PLXNC1: variants seen among roughly 807,000 people sequenced by gnomAD.
PLXNC1 encodes plexin-C1.
In PLXNC1, 75 loss-of-function variants were observed where a neutral mutation model predicts 178.2. The ratio of observed to expected loss-of-function variants is 0.42; its 90% CI spans 0.35 to 0.51. The LOEUF is 0.51. Among genes scored for constraint, PLXNC1 ranks in the 20% least tolerant of loss-of-function variants. PLXNC1 has a pLI of 0.02. For synonymous variants in PLXNC1, 790 were observed against 779.9 expected, an observed-to-expected ratio of 1.01 and a Z score of -0.22; for missense variants, 1,503 against 1,984.4, an observed-to-expected ratio of 0.76 and a Z score of 4.61.
In PLXNC1 at chr12:94,237,767, T is replaced by C; in HGVS notation, c.2084T>C (p.Met695Thr). ...ANFTRASNIT[M>T]ILKGTSTCDK... ...TTTACCCGGGCATCGAACATCACAA[T>C]GATCCTGAAAGGAACCAGTACCTGT... Residue 695 changes from methionine to threonine, a missense_variant, in exon 10 of 31, where the codon ATG becomes ACG. Coordinates refer to ENST00000258526, the MANE Select transcript of PLXNC1 (RefSeq NM_005761.3). 6.2e-7 allele frequency: 1 copy of C among 1,614,032 alleles called. No individual in the cohort carries two copies. The highest frequency in any genetic ancestry group is 1.3e-5 in the African/African-American group (1 of 75,044).
chr12:94,257,887 C>A (rs751406532), intron 17 of PLXNC1, among the ~76,000 whole-genome samples: 3 of 150,308 alleles, frequency 2.0e-5, no homozygotes, highest in Non-Finnish European at 4.4e-5. Context: ...CCAGCCTGGG[C>A]GACAGAGCGA....
intron 23 of PLXNC1, among the ~76,000 whole-genome samples, chr12:94,289,985 C>T (rs2136186491): frequency 6.6e-6 from 1 of 152,334 alleles, no homozygotes; most frequent in Non-Finnish European, 1.5e-5. Flanking sequence ...TAGCAGCGGG[C>T]TGTTGCCAGC....
At chr12:94,180,241 T>C (rs767543513) in intron 2 of PLXNC1, among the ~76,000 whole-genome samples, 12 of 152,166 alleles carry the variant, frequency 7.9e-5, no homozygotes, top group Non-Finnish European at 1.6e-4. Context: ...CTCTCTCCAC[T>C]GAAGCCACCC....
intron 14 of PLXNC1, among the ~76,000 whole-genome samples, chr12:94,249,082 G>C (rs1292743137): frequency 6.6e-6 from 1 of 152,018 alleles, no homozygotes; most frequent in Non-Finnish European, 1.5e-5. Flanking sequence ...TTGGATAAAA[G>C]ACAATGCAAA....
chr12:94,246,571 T>C (rs376782855), intron 12 of PLXNC1, among the ~76,000 whole-genome samples: 4 of 152,228 alleles, frequency 2.6e-5, no homozygotes, highest in African/African-American at 7.2e-5. Context: ...TGAAAAAGAG[T>C]AAATCGCATG....
intron 1 of PLXNC1, among the ~76,000 whole-genome samples, chr12:94,150,335 A>T (rs1214706373): frequency 6.6e-6 from 1 of 152,052 alleles, no homozygotes; most frequent in African/African-American, 2.4e-5. Flanking sequence ...CCAAACGGGG[A>T]CGCTTGTTTG....
chr12:94,224,152 C>CT (rs1309930677), intron 6 of PLXNC1, 76 bp from the exon 7 acceptor site: 8 of 891,056 alleles, frequency 9.0e-6, no homozygotes, highest in African/African-American at 1.6e-5. Flanking sequence ...AAATATTTAT[C>CT]TTTTTTTGCA....
intron 4 of PLXNC1, among the ~76,000 whole-genome samples, chr12:94,206,544 A>G (rs550896163): frequency 6.8e-6 from 1 of 147,558 alleles, no homozygotes; most frequent in East Asian, 2.0e-4. Flanking sequence ...CAGGTTCTGT[A>G]TTCTAATTTG....
At chr12:94,171,767 C>G (rs537760706) in intron 2 of PLXNC1, among the ~76,000 whole-genome samples, 4 of 152,224 alleles carry the variant, frequency 2.6e-5, no homozygotes, top group African/African-American at 9.6e-5. Context: ...GAGAATAAGG[C>G]GGACCATCTG....
intron 14 of PLXNC1, among the ~76,000 whole-genome samples, chr12:94,249,854 G>C (rs1964627839): frequency 6.7e-6 from 1 of 148,660 alleles, no homozygotes; most frequent in African/African-American, 2.5e-5. Flanking sequence ...GTTCCCTAAA[G>C]AGACACAGCG....
intron 23 of PLXNC1, 54 bp downstream of exon 23, chr12:94,282,455 A>C: frequency 8.5e-7 from 1 of 1,171,086 alleles, no homozygotes; most frequent in Non-Finnish European, 1.3e-6. Flanking sequence ...TCCTAGTCCC[A>C]TGGACATTCT....
intron 4 of PLXNC1, among the ~76,000 whole-genome samples, chr12:94,201,844 C>T (rs1425329884): frequency 2.9e-5 from 4 of 138,074 alleles, no homozygotes. Flanking sequence ...TCTCGACTCA[C>T]TGCAGGCTCT....
rs184905642 is a variant in PLXNC1 at position 94,185,346 on chromosome 12, T to A, written c.1339-1027T>A. Among the ~76,000 whole-genome samples the A allele has an allele frequency of 3.3e-5, 5 of 152,358 alleles. No homozygotes were observed. In the East Asian group the frequency reaches 9.6e-4, roughly 29 times the overall value. ...ATAGAGAGGTCCCTTCTAGAACTCC[T>A]TATTTCTCTAACCTGCTAAAGAAGT... On this transcript the variant is annotated intron_variant, in intron 3 of 30. Transcript: ENST00000258526.
At chr12:94,215,220 A>G (rs540156895) in intron 5 of PLXNC1, among the ~76,000 whole-genome samples, 4 of 152,350 alleles carry the variant, frequency 2.6e-5, no homozygotes, top group Admixed American at 6.5e-5. Context: ...ATAATTTATC[A>G]TAGCAAAACC....
intron 27 of PLXNC1, among the ~76,000 whole-genome samples, chr12:94,300,615 A>T (rs1279802008): frequency 6.6e-6 from 1 of 152,142 alleles, no homozygotes; most frequent in East Asian, 1.9e-4. Context: ...CTGTCAGGAG[A>T]TGGGAAATAA....
chr12:94,237,643 T>A (rs1252423429), intron 9 of PLXNC1, 21 bp from the exon 10 acceptor site: 1 of 1,607,222 alleles, frequency 6.2e-7, no homozygotes, highest in Non-Finnish European at 8.5e-7. Context: ...ATCTCCTGTT[T>A]TAATCTTTTC....
At chr12:94,224,342 T>G (rs1436943611) in intron 7 of PLXNC1, 27 bp downstream of exon 7, 3 of 1,149,162 alleles carry the variant, frequency 2.6e-6, no homozygotes, top group Non-Finnish European at 4.0e-6. Context: ...AATTTGAATA[T>G]TCTCTCGTTG....
chr12:94,151,831 T>C (rs1232208559), intron 1 of PLXNC1, among the ~76,000 whole-genome samples: 1 of 152,204 alleles, frequency 6.6e-6, no homozygotes, highest in Non-Finnish European at 1.5e-5. Context: ...AGCCAGCATC[T>C]TGAATGCACT....
chr12:94,181,942 T>C (rs951310145), intron 3 of PLXNC1, among the ~76,000 whole-genome samples: 1 of 152,136 alleles, frequency 6.6e-6, no homozygotes, highest in East Asian at 1.9e-4. Flanking sequence ...TGGGACTGGC[T>C]TTGGAATTTG....
Sources: gnomAD v4.1 joint callset for allele counts (sites outside exome capture counted in the v4.1 genomes callset) on GRCh38, gnomAD v4.1.1 for gene constraint, MANE v1.5 for transcripts, NCBI Gene and HGNC (gene_info 2026-07-23, HGNC 2026-07-21) for gene names.